OR6C75: variants seen among roughly 807,000 people sequenced by gnomAD.
OR6C75 encodes olfactory receptor family 6 subfamily C member 75.
For synonymous variants in OR6C75, 149 were observed against 130.6 expected (o/e 1.14, Z -0.96); for missense variants, 380 against 368.0 (o/e 1.03, Z -0.27).
chr12:55,365,695 C>G lies in OR6C75; in HGVS notation c.585C>G (p.Leu195=). ...LSCTNTHFLE[L]MAFFLAVVTL... ...GCACAAACACTCACTTTCTAGAACT[C>G]ATGGCATTTTTTTTAGCTGTGGTAA... Residue 195 remains leucine, a synonymous_variant, in exon 3 of 3, where the codon CTC becomes CTG. Transcript: ENST00000641576. The G allele has an allele frequency of 6.2e-7, 1 of 1,614,110 alleles. No homozygotes were observed. Among genetic ancestry groups the G allele is most frequent in the Non-Finnish European group, 8.5e-7 (1 of 1,179,972 alleles).
intron 2 of OR6C75, among the ~76,000 whole-genome samples, 194 bp from the exon 3 acceptor site, chr12:55,364,682 G>A (rs1869750127): frequency 6.6e-6 from 1 of 151,980 alleles, no homozygotes; most frequent in African/African-American, 2.4e-5. Context: ...TTCTATATGT[G>A]TATATATAGA....
Position 55,366,117 on chromosome 12 carries a change from A to G in OR6C75, c.*68A>G, listed in dbSNP as rs1869799613. 1 of 895,618 alleles carries G rather than the reference A, an allele frequency of 1.1e-6. No homozygotes were observed. Among genetic ancestry groups the G allele is most frequent in the Non-Finnish European group, 1.7e-6 (1 of 592,026 alleles). 55.5% of individuals were successfully genotyped at this position (895,618 alleles called of 1,614,324 possible). ...TGAAAAACTCTCTACCCTTCTCTAC[A>G]TGAACTCTTTCTAAACACCTTATTT... is the stretch of plus-strand genomic sequence containing the variant. On this transcript the variant is annotated 3_prime_UTR_variant, in exon 3 of 3. Coordinates refer to ENST00000641576, the MANE Select transcript of OR6C75 (RefSeq NM_001005497.2).
chr12:55,368,659 G>A lies in OR6C75; in HGVS notation c.*2610G>A, dbSNP rs950222027. On this transcript the variant is annotated 3_prime_UTR_variant, in exon 3 of 3. Transcript: ENST00000641576. ...ATTTCTAAAACAAGAAAAGAAAATT[G>A]GCTGTCTTGGGACAGTAGCTATGAA... 36 of 152,170 alleles carry A rather than the reference G, an allele frequency of 2.4e-4. No homozygotes were observed. Among genetic ancestry groups the A allele is most frequent in the African/African-American group, 8.7e-4 (36 of 41,540 alleles). The allele number at this position is 152,170 out of a possible 1,614,324, so 9.4% of individuals were successfully genotyped here. A position where few individuals can be genotyped will look rare whatever the true frequency, so the allele number is the denominator to read the frequency against.
In OR6C75 at chr12:55,366,536, T is replaced by G. The variant is rs1162632625; in HGVS notation, c.*487T>G. ...AACCACATTCAACTATGAAATTAATTTTATATGAAATGTTTAAACTATGTA... is the reference window on the plus strand; with the variant it reads ...AACCACATTCAACTATGAAATTAATGTTATATGAAATGTTTAAACTATGTA... On this transcript the variant is annotated 3_prime_UTR_variant, in exon 3 of 3. Transcript: ENST00000641576. The G allele has an allele frequency of 6.6e-6, 1 of 152,144 alleles. No homozygotes were observed. The highest frequency in any genetic ancestry group is 2.4e-5 in the African/African-American group (1 of 41,458). 9.4% of individuals were successfully genotyped at this position (152,144 alleles called of 1,614,324 possible). A position where few individuals can be genotyped will look rare whatever the true frequency, so the allele number is the denominator to read the frequency against.
At chr12:55,364,609 GAGCCACTGCGCCC>G (rs1345386692) in intron 2 of OR6C75, among the ~76,000 whole-genome samples, 1 of 151,988 alleles carries the variant, frequency 6.6e-6, no homozygotes, top group Non-Finnish European at 1.5e-5. Context: ...TTACAGGCAT[GAGCCACTGCGCCC>G]AGCCTACAGT....
intron 2 of OR6C75, 147 bp from the exon 3 acceptor site, chr12:55,364,729 C>T (rs1209379696): frequency 5.9e-6 from 1 of 170,534 alleles, no homozygotes; most frequent in Non-Finnish European, 1.3e-5. Flanking sequence ...TTATTCTATC[C>T]ATCACATCCC....
Position 55,365,148 on chromosome 12 carries a change from T to C in OR6C75, c.38T>C (p.Leu13Pro), listed in dbSNP as rs773574537. 3.7e-6 allele frequency: 6 copies of C among 1,612,880 alleles called. No homozygotes were observed. The Admixed American group carries it at 1.0e-4, about 27-fold the overall frequency. Residue 13 changes from leucine to proline, a missense_variant, in exon 3 of 3, where the codon CTT becomes CCT. Coordinates refer to ENST00000641576, the MANE Select transcript of OR6C75 (RefSeq NM_001005497.2). ...ACAGCAGTAACAGACTTTATTCTTC[T>C]TGGATTGACAAGTGACCCACAGTGG... ...NSTAVTDFIL[L>P]GLTSDPQWQV...
rs1018797696 is a variant in OR6C75, at chr12:55,368,807, A to G, written c.*2758A>G. ...AAGTCTGTGACAAATACTTTTTTTT[A>G]TAGATGTGAGCGTCCTTCAGCACTT... On this transcript the variant is annotated 3_prime_UTR_variant, in exon 3 of 3. Coordinates refer to ENST00000641576, the MANE Select transcript of OR6C75 (RefSeq NM_001005497.2). The G allele has an allele frequency of 6.6e-6, 1 of 152,116 alleles. No individual in the cohort carries two copies. The highest frequency in any genetic ancestry group is 1.5e-5 in the Non-Finnish European group (1 of 68,020). The allele number at this position is 152,116 out of a possible 1,614,324, so 9.4% of individuals were successfully genotyped here.
At position 55,366,807 on chromosome 12, in the gene OR6C75, A is replaced by T. The variant is rs1869816564; in HGVS notation, c.*758A>T. 1 of 152,166 alleles carries T rather than the reference A, an allele frequency of 6.6e-6. No individual in the cohort carries two copies. Among genetic ancestry groups the T allele is most frequent in the South Asian group, 2.1e-4 (1 of 4,834 alleles). 9.4% of individuals were successfully genotyped at this position (152,166 alleles called of 1,614,324 possible). ...AGAGCAAAGCGTAATCAAAGAGTTGATATTATTTATCTTATATTTTCCTTT... is the reference window on the plus strand; with the variant it reads ...AGAGCAAAGCGTAATCAAAGAGTTGTTATTATTTATCTTATATTTTCCTTT... On this transcript the variant is annotated 3_prime_UTR_variant, in exon 3 of 3. Coordinates refer to ENST00000641576, the MANE Select transcript of OR6C75 (RefSeq NM_001005497.2).
Position 55,365,665 on chromosome 12 carries a change from C to T in OR6C75, c.555C>T (p.Leu185=), listed in dbSNP as rs1209875009. The change falls in exon 3 of 3, where the codon CTC becomes CTT. Residue 185 remains leucine (L), a synonymous_variant. Coordinates refer to ENST00000641576, the MANE Select transcript of OR6C75 (RefSeq NM_001005497.2). The stretch of plus-strand genomic sequence containing the variant: ...GTGACTCTTCTCCAATGCTGCAGCT[C>T]TCTTGCACAAACACTCACTTTCTAG... ...FICDSSPMLQ[L]SCTNTHFLEL... The T allele has an allele frequency of 1.2e-6, 2 of 1,614,080 alleles. No individual in the cohort carries two copies. Among genetic ancestry groups the T allele is most frequent in the South Asian group, 2.2e-5 (2 of 91,076 alleles).
chr12:55,365,047 G>A lies in OR6C75; in HGVS notation c.-64G>A. ...AATAATTTTCTTTACTGGTGTCATA[G>A]TTTTCTGGTTTCTTCACCTATTTTA... On this transcript the variant is annotated 5_prime_UTR_variant, in exon 3 of 3. Coordinates refer to ENST00000641576, the MANE Select transcript of OR6C75 (RefSeq NM_001005497.2). The A allele has an allele frequency of 9.2e-7, 1 of 1,090,988 alleles. No individual in the cohort carries two copies. Among genetic ancestry groups the A allele is most frequent in the South Asian group, 1.4e-5 (1 of 71,526 alleles). 67.6% of individuals were successfully genotyped at this position (1,090,988 alleles called of 1,614,324 possible). A position where few individuals can be genotyped will look rare whatever the true frequency, so the allele number is the denominator to read the frequency against.
At position 55,369,136 on chromosome 12, in the gene OR6C75, A is replaced by C. The variant is rs1869868900; in HGVS notation, c.*3087A>C. ...CTACATGATAGATAGATAGATAAAG[A>C]GAGATAGAGGGAAAGAGAGGGAAAG... On this transcript the variant is annotated 3_prime_UTR_variant, in exon 3 of 3. Coordinates refer to ENST00000641576, the MANE Select transcript of OR6C75 (RefSeq NM_001005497.2). 1.3e-5 allele frequency: 2 copies of C among 151,868 alleles called. No individual in the cohort carries two copies. The highest frequency in any genetic ancestry group is 2.9e-5 in the Non-Finnish European group (2 of 67,912). 9.4% of individuals were successfully genotyped at this position (151,868 alleles called of 1,614,324 possible). A position where few individuals can be genotyped will look rare whatever the true frequency, so the allele number is the denominator to read the frequency against.
rs748813170 is a variant in OR6C75 at position 55,366,001 on chromosome 12, AGCCTTCAAGAGCATG to A, written c.893_907del (p.Ala298_Met302del). On this transcript the variant is annotated inframe_deletion, in exon 3 of 3. Transcript: ENST00000641576. ...CACTGAGAAATAAGCAAGTGAAGCA[AGCCTTCAAGAGCATG>A]GTCCAGAAGATGATTTTTTCTTTAA... is the stretch of plus-strand genomic sequence containing the variant. 9 of 1,604,188 alleles carry A rather than the reference AGCCTTCAAGAGCATG, an allele frequency of 5.6e-6. No homozygotes were observed. In the African/African-American group the frequency reaches 1.1e-4, roughly 19 times the overall value.
In OR6C75 at chr12:55,367,220, A is replaced by T. The variant is rs577451866; in HGVS notation, c.*1171A>T. On this transcript the variant is annotated 3_prime_UTR_variant, in exon 3 of 3. Coordinates refer to ENST00000641576, the MANE Select transcript of OR6C75 (RefSeq NM_001005497.2). ...AAAAATGTGTTCAAGCCCACTTCCT[A>T]TAGTTAATGAGTCCCTCAACTCCCA... The T allele has an allele frequency of 6.6e-6, 1 of 152,172 alleles. No homozygotes were observed. Among genetic ancestry groups the T allele is most frequent in the Admixed American group, 6.6e-5 (1 of 15,266 alleles). 9.4% of individuals were successfully genotyped at this position (152,172 alleles called of 1,614,324 possible).
chr12:55,364,041 C>T (rs1565673058), intron 2 of OR6C75, among the ~76,000 whole-genome samples, 159 bp downstream of exon 2: 1 of 148,162 alleles, frequency 6.7e-6, no homozygotes, highest in African/African-American at 2.5e-5. Flanking sequence ...TGTAGTGGCA[C>T]AATCTCAGCT....
rs780240820 is a variant in OR6C75, at chr12:55,365,491, T to C, written c.381T>C (p.Pro127=). The C allele has an allele frequency of 6.2e-7, 1 of 1,614,054 alleles. No individual in the cohort carries two copies. Residue 127 remains proline, a synonymous_variant, in exon 3 of 3, where the codon CCT becomes CCC. Transcript: ENST00000641576. ...ACCGCTGCATGGCCATCTGCAAACC[T>C]CTTCATTACACAATCATCATGAGCA... ...SYDRCMAICK[P]LHYTIIMSTR...
At chr12:55,363,617 T>C (rs1869719563) in intron 1 of OR6C75, among the ~76,000 whole-genome samples, 176 bp from the exon 2 acceptor site, 1 of 151,956 alleles carries the variant, frequency 6.6e-6, no homozygotes, top group African/African-American at 2.4e-5. Context: ...TCTTTTCTTT[T>C]GAATAAGCAT....
rs1190435689 is a variant in OR6C75 at position 55,367,117 on chromosome 12, T to TCCATTGTCTC, written c.*1070_*1079dup. On this transcript the variant is annotated 3_prime_UTR_variant, in exon 3 of 3. Coordinates refer to ENST00000641576, the MANE Select transcript of OR6C75 (RefSeq NM_001005497.2). ...AAACCTATAATATTTTATTTATCTT[T>TCCATTGTCTC]CCATTGTCTCCTTCACAGGTTTCAC... is the stretch of plus-strand genomic sequence containing the variant. The TCCATTGTCTC allele has an allele frequency of 6.6e-6, 1 of 152,184 alleles. No homozygotes were observed. The highest frequency in any genetic ancestry group is 1.5e-5 in the Non-Finnish European group (1 of 68,026). 9.4% of individuals were successfully genotyped at this position (152,184 alleles called of 1,614,324 possible).
Position 55,368,696 on chromosome 12 carries a change from A to G in OR6C75, c.*2647A>G, listed in dbSNP as rs1869858576. On this transcript the variant is annotated 3_prime_UTR_variant, in exon 3 of 3. Coordinates refer to ENST00000641576, the MANE Select transcript of OR6C75 (RefSeq NM_001005497.2). ...ACAGTAGCTATGAATCTGACTAGAT[A>G]CAGGATAAATGGATTTTAGTTTGAT... The G allele has an allele frequency of 6.6e-6, 1 of 152,240 alleles. No homozygotes were observed. Among genetic ancestry groups the G allele is most frequent in the Non-Finnish European group, 1.5e-5 (1 of 68,044 alleles). The allele number at this position is 152,240 out of a possible 1,614,324, so 9.4% of individuals were successfully genotyped here.
Sources: allele counts gnomAD v4.1 joint callset (sites outside exome capture counted in the v4.1 genomes callset), GRCh38; gene constraint gnomAD v4.1.1; transcripts MANE v1.5; gene names NCBI Gene and HGNC (gene_info 2026-07-23, HGNC 2026-07-21).